Variants in ESRP1 observed in about 807,000 individuals in gnomAD.
ESRP1 encodes the protein RNA-binding motif protein 35A.
Under a neutral mutation model 81.7 loss-of-function variants are expected in ESRP1, and 33 were observed. The ratio of observed to expected loss-of-function variants is 0.40; its 90% CI spans 0.31 to 0.54. The LOEUF (loss-of-function observed/expected upper bound fraction) is 0.54, where lower values mean the gene tolerates loss of function less well. Among genes scored for constraint, ESRP1 ranks in the 20% least tolerant of loss-of-function variants. ESRP1 has a pLI of 0.41. For synonymous variants in ESRP1, 320 were observed against 303.3 expected, an observed-to-expected ratio of 1.06 and a Z score of -0.57; for missense variants, 672 against 833.1, an observed-to-expected ratio of 0.81 and a Z score of 2.38.
chr8:94,677,083 C>T lies in ESRP1; in HGVS notation c.1652-1120C>T, dbSNP rs1808674793. Among the ~76,000 whole-genome samples, 3 of 152,132 alleles carry T rather than the reference C, an allele frequency of 2.0e-5. No individual in the cohort carries two copies. The South Asian group carries it at 6.2e-4, about 32-fold the overall frequency. On this transcript the variant is annotated intron_variant, in intron 12 of 15. Transcript: ENST00000433389. Reference sequence around the variant, plus strand: ...CAATTTGTATTGTTGGTCTTTTGCACAGTTTTTGATGAGTATGAAAGAGGC... The same window carrying T: ...CAATTTGTATTGTTGGTCTTTTGCATAGTTTTTGATGAGTATGAAAGAGGC...
intron 2 of ESRP1, among the ~76,000 whole-genome samples, 198 bp downstream of exon 2, chr8:94,642,282 C>T (rs1316897722): frequency 6.6e-6 from 1 of 152,234 alleles, no homozygotes; most frequent in Non-Finnish European, 1.5e-5. Flanking sequence ...CTCCCAGCCC[C>T]CAGGGTTTGG....
chr8:94,655,059 G>GGTTTT (rs1818328207), intron 4 of ESRP1, among the ~76,000 whole-genome samples: 1 of 108,672 alleles, frequency 9.2e-6, no homozygotes. Flanking sequence ...AGGTTTTTTG[G>GGTTTT]GTTTTTTGTG....
rs58359551 is a variant in ESRP1 at position 94,689,811 on chromosome 8, C to CTTTTT, written c.1821-2845_1821-2841dup. On this transcript the variant is annotated intron_variant, in intron 13 of 15. Transcript: ENST00000433389. ...CACAGGCATGTGCTATGATGCCTGG[C>CTTTTT]TTTTTTTTTTTTTTTTTTTTTTTTT... Among the ~76,000 whole-genome samples, 106 of 64,648 alleles carry CTTTTT rather than the reference C, an allele frequency of 1.6e-3. 4 individuals carry two copies. The highest frequency in any genetic ancestry group is 5.7e-3 in the African/African-American group (82 of 14,502). The allele number at this position is 64,648 out of a possible 152,430, so 42.4% of individuals were successfully genotyped here. A position where few individuals can be genotyped will look rare whatever the true frequency, so the allele number is the denominator to read the frequency against.
In ESRP1 at chr8:94,662,306, A is replaced by G. The variant is rs1818785707; in HGVS notation, c.525A>G (p.Arg175=). The change falls in exon 5 of 16, where the codon CGA becomes CGG. Residue 175 remains arginine (R), a synonymous_variant. Transcript: ENST00000433389. ...TTGAGAAGAGTAGTTCAGTCTCTCGATATGGAGCCTCTCAAGTTGAAGATA... is the reference window on the plus strand; with the variant it reads ...TTGAGAAGAGTAGTTCAGTCTCTCGGTATGGAGCCTCTCAAGTTGAAGATA... The part of the protein sequence containing the change: ...LNFEKSSSVS[R]YGASQVEDMG... The G allele has an allele frequency of 6.3e-7, 1 of 1,583,372 alleles. No individual in the cohort carries two copies. Among genetic ancestry groups the G allele is most frequent in the Non-Finnish European group, 8.6e-7 (1 of 1,163,374 alleles).
chr8:94,646,943 G>A (rs150067398), intron 4 of ESRP1, among the ~76,000 whole-genome samples: 186 of 152,272 alleles, frequency 1.2e-3, no homozygotes, highest in African/African-American at 4.2e-3. Context: ...TAACTAATAA[G>A]CAGGCGTGTG....
At chr8:94,656,619 G>A (rs1303751358) in intron 4 of ESRP1, among the ~76,000 whole-genome samples, 1 of 152,026 alleles carries the variant, frequency 6.6e-6, no homozygotes, top group East Asian at 1.9e-4. Flanking sequence ...TTTTTTTCTT[G>A]CTGTATTTTA....
At chr8:94,692,440 G>A (rs767425671) in intron 13 of ESRP1, among the ~76,000 whole-genome samples, 44 of 152,258 alleles carry the variant, frequency 2.9e-4, no homozygotes, top group South Asian at 1.0e-3. Flanking sequence ...TCTCAGGGAT[G>A]TGAGGAAGCC....
At position 94,694,810 on chromosome 8, in the gene ESRP1, C is replaced by T. The variant is rs140642831; in HGVS notation, c.1971+1983C>T. On this transcript the variant is annotated intron_variant, in intron 14 of 15. Transcript: ENST00000433389. ...TTGTCTAGTATAACCAGAAACATAA[C>T]GATTGTGCAATATTATTTCATCTCA... is the stretch of plus-strand genomic sequence containing the variant. 7.9e-5 allele frequency among the ~76,000 whole-genome samples: 12 copies of T among 152,254 alleles called. No individual in the cohort carries two copies. The East Asian group carries it at 1.5e-3, about 20-fold the overall frequency.
At chr8:94,698,028 A>G (rs1031349678) in intron 15 of ESRP1, among the ~76,000 whole-genome samples, 6 of 151,964 alleles carry the variant, frequency 3.9e-5, no homozygotes, top group African/African-American at 1.5e-4. Context: ...TGATCTGCCC[A>G]CCTCAGCCTT....
At chr8:94,662,597 T>TG in intron 6 of ESRP1, 42 bp downstream of exon 6, 1 of 1,460,502 alleles carries the variant, frequency 6.8e-7, no homozygotes, top group East Asian at 2.3e-5. Context: ...TTTAACTTGT[T>TG]TTTTTTTTTT....
intron 14 of ESRP1, among the ~76,000 whole-genome samples, chr8:94,695,649 C>T (rs1809576722): frequency 6.8e-6 from 1 of 146,862 alleles, no homozygotes; most frequent in South Asian, 2.1e-4. Flanking sequence ...AGGCATGAGC[C>T]ACCGCAGCTA....
rs1460962952 is a variant in ESRP1 at position 94,664,688 on chromosome 8, C to T, written c.645-9C>T. ...TATCATGCAACCTGAAGTTTTGCTT[C>T]ATCCACAGCAGCAAGATGGAACTTA... On this transcript the variant is annotated splice_polypyrimidine_tract_variant and intron_variant, in intron 6 of 15. Transcript: ENST00000433389. 1.2e-6 allele frequency: 2 copies of T among 1,609,242 alleles called. No individual in the cohort carries two copies. Among genetic ancestry groups the T allele is most frequent in the Non-Finnish European group, 8.5e-7 (1 of 1,175,906 alleles).
At chr8:94,676,398 T>C (rs1359911667) in intron 12 of ESRP1, among the ~76,000 whole-genome samples, 1 of 151,410 alleles carries the variant, frequency 6.6e-6, no homozygotes, top group Non-Finnish European at 1.5e-5. Flanking sequence ...GCCCAAAACA[T>C]TGCAGCCCAA....
chr8:94,682,927 TATA>T (rs1563540913), intron 13 of ESRP1, among the ~76,000 whole-genome samples: 10 of 39,796 alleles, frequency 2.5e-4, no homozygotes, highest in African/African-American at 1.0e-3. Context: ...TATATATATA[TATA>T]TATTTTTTTT....
At chr8:94,698,913 C>T (rs1586264485) in intron 15 of ESRP1, among the ~76,000 whole-genome samples, 3 of 152,166 alleles carry the variant, frequency 2.0e-5, no homozygotes. Flanking sequence ...GGTGAGGTTT[C>T]AGTATATCTT....
intron 4 of ESRP1, among the ~76,000 whole-genome samples, chr8:94,660,370 G>A (rs572833916): frequency 1.5e-4 from 23 of 152,282 alleles, no homozygotes; most frequent in Admixed American, 5.2e-4. Flanking sequence ...GGCAGGCCAA[G>A]GTAGGTAGAT....
At chr8:94,656,542 A>G (rs1818436104) in intron 4 of ESRP1, among the ~76,000 whole-genome samples, 1 of 152,232 alleles carries the variant, frequency 6.6e-6, no homozygotes, top group African/African-American at 2.4e-5. Flanking sequence ...CTCTTTTAAG[A>G]GTAACATCTC....
intron 4 of ESRP1, among the ~76,000 whole-genome samples, chr8:94,653,612 C>T (rs940432006): frequency 6.6e-6 from 1 of 151,998 alleles, no homozygotes; most frequent in Non-Finnish European, 1.5e-5. Flanking sequence ...TTTTTTTAAC[C>T]TTATGTGAGA....
chr8:94,674,622 A>G (rs17717431), intron 12 of ESRP1, 116 bp downstream of exon 12: 177,171 of 882,272 alleles, frequency 0.2, 19,643 homozygotes, highest in Middle Eastern at 0.24. Context: ...GTGGTTATAT[A>G]AGGCTCTCCC....
Sources: allele counts gnomAD v4.1 joint callset (sites outside exome capture counted in the v4.1 genomes callset), GRCh38; gene constraint gnomAD v4.1.1; transcripts MANE v1.5; gene names NCBI Gene and HGNC (gene_info 2026-07-23, HGNC 2026-07-21).